ADAT2: variants seen among roughly 807,000 people sequenced by gnomAD.
ADAT2 encodes tRNA-specific adenosine-34 deaminase catalytic subunit ADAT2.
ADAT2 carries 26 observed loss-of-function variants against 25.9 expected under a neutral mutation model. The observed-to-expected ratio is 1.00, with a 90% CI of 0.74 to 1.39. ADAT2 has a LOEUF of 1.39. Ranked by LOEUF, ADAT2 falls within the 40% of genes most tolerant of loss-of-function variation. The pLI is 0.00. For missense variants in ADAT2, 220 were observed against 244.8 expected, an observed-to-expected ratio of 0.90 and a Z score of 0.68; for synonymous variants, 76 against 86.8, an observed-to-expected ratio of 0.88 and a Z score of 0.69.
At chr6:143,450,313 G>A (rs1163998566) in intron 1 of ADAT2, among the ~76,000 whole-genome samples, 7 of 152,142 alleles carry the variant, frequency 4.6e-5, no homozygotes, top group Non-Finnish European at 1.0e-4. Flanking sequence ...GCGACAGAAT[G>A]TTAAGTCTGC....
In ADAT2 at chr6:143,434,200, C is replaced by T. The variant is rs1779199467; in HGVS notation, c.202-219G>A. On this transcript the variant is annotated intron_variant, in intron 2 of 5. Coordinates refer to ENST00000237283, the MANE Select transcript of ADAT2 (RefSeq NM_182503.3). The surrounding 1 kb of genome is among the most constrained non-coding windows in gnomAD (Gnocchi z 4.5). The stretch of plus-strand genomic sequence containing the variant: ...ATCTAATCAGAGATGCCACAGGAAT[C>T]ATGCTGTATTTTTAGTTAAGTACCT... 6.6e-6 allele frequency among the ~76,000 whole-genome samples: 1 copy of T among 152,160 alleles called. No homozygotes were observed. The highest frequency in any genetic ancestry group is 2.1e-4 in the South Asian group (1 of 4,828).
Position 143,427,998 on chromosome 6 carries a change from A to C in ADAT2, c.*465T>G, listed in dbSNP as rs1172806906. 6.1e-6 allele frequency: 1 copy of C among 163,020 alleles called. No homozygotes were observed. Among genetic ancestry groups the C allele is most frequent in the Non-Finnish European group, 1.4e-5 (1 of 73,914 alleles). The allele number at this position is 163,020 out of a possible 1,614,324, so 10.1% of individuals were successfully genotyped here. On this transcript the variant is annotated 3_prime_UTR_variant, in exon 6 of 6. Transcript: ENST00000237283. ...TATATACAATTTAGAGAGAAGTCACAGCCCCCAGTGCCCTGGAAGAACATC... is the reference window on the plus strand; with the variant it reads ...TATATACAATTTAGAGAGAAGTCACCGCCCCCAGTGCCCTGGAAGAACATC...
At chr6:143,449,362 G>T (rs1220926175) in intron 1 of ADAT2, among the ~76,000 whole-genome samples, 1 of 152,164 alleles carries the variant, frequency 6.6e-6, no homozygotes, top group African/African-American at 2.4e-5. Context: ...ATGCTACTTT[G>T]TATCTTTTTA....
intron 2 of ADAT2, among the ~76,000 whole-genome samples, chr6:143,435,962 T>C (rs1779262205): frequency 6.6e-6 from 1 of 152,330 alleles, no homozygotes; most frequent in East Asian, 1.9e-4. Flanking sequence ...ATGACTACCC[T>C]GGCAGTTATA....
intron 1 of ADAT2, among the ~76,000 whole-genome samples, chr6:143,443,295 C>T (rs1779513984): frequency 6.6e-6 from 1 of 152,156 alleles, no homozygotes; most frequent in African/African-American, 2.4e-5. Context: ...GGCTCTCTGC[C>T]ACTGTTCTGC....
rs984462461 is a variant in ADAT2 at position 143,424,654 on chromosome 6, G to A, written c.*3809C>T. ...ATATAATTATTACTTTTGCTGAGGA[G>A]GAAATTAGGAAGGAAAGAATTTATT... is the stretch of plus-strand genomic sequence containing the variant. On this transcript the variant is annotated 3_prime_UTR_variant, in exon 6 of 6. Coordinates refer to ENST00000237283, the MANE Select transcript of ADAT2 (RefSeq NM_182503.3). This position sits in a 1 kb window ranked among gnomAD's most constrained non-coding sequence, Gnocchi z 4.8. 2.0e-5 allele frequency: 3 copies of A among 152,092 alleles called. No individual in the cohort carries two copies. The highest frequency in any genetic ancestry group is 7.2e-5 in the African/African-American group (3 of 41,406). The allele number at this position is 152,092 out of a possible 1,614,324, so 9.4% of individuals were successfully genotyped here. A position where few individuals can be genotyped will look rare whatever the true frequency, so the allele number is the denominator to read the frequency against.
At chr6:143,449,603 T>A (rs1353888284) in intron 1 of ADAT2, among the ~76,000 whole-genome samples, 1 of 152,208 alleles carries the variant, frequency 6.6e-6, no homozygotes, top group Non-Finnish European at 1.5e-5. Flanking sequence ...CAGGAACTTT[T>A]CAGCTTCATT....
In ADAT2 at chr6:143,444,840, C is replaced by G. The variant is rs377110502; in HGVS notation, c.96+5723G>C. On this transcript the variant is annotated intron_variant, in intron 1 of 5. Coordinates refer to ENST00000237283, the MANE Select transcript of ADAT2 (RefSeq NM_182503.3). The surrounding 1 kb of genome is among the most constrained non-coding windows in gnomAD (Gnocchi z 4.3). ...GAAAGCACCTAGATGGAAGAGACTTCGTAGTTTATTATTTTCTCCAAAGAC... is the reference window on the plus strand; with the variant it reads ...GAAAGCACCTAGATGGAAGAGACTTGGTAGTTTATTATTTTCTCCAAAGAC... 1.4e-5 allele frequency: 14 copies of G among 989,384 alleles called. No individual in the cohort carries two copies. In the East Asian group the frequency reaches 9.0e-4, roughly 64 times the overall value. 61.3% of individuals were successfully genotyped at this position (989,384 alleles called of 1,614,324 possible). A position where few individuals can be genotyped will look rare whatever the true frequency, so the allele number is the denominator to read the frequency against.
At chr6:143,438,202 T>C (rs1429009611) in intron 2 of ADAT2, among the ~76,000 whole-genome samples, 1 of 152,212 alleles carries the variant, frequency 6.6e-6, no homozygotes, top group East Asian at 1.9e-4. Flanking sequence ...AATTGACCTA[T>C]TTTATAAAAT....
chr6:143,429,551 G>A (rs958967288), intron 4 of ADAT2, among the ~76,000 whole-genome samples: 2 of 152,216 alleles, frequency 1.3e-5, no homozygotes, highest in Non-Finnish European at 2.9e-5. Flanking sequence ...GCATTTCAGG[G>A]AAAGGGCAAG....
intron 1 of ADAT2, among the ~76,000 whole-genome samples, chr6:143,448,792 G>A (rs1025269444): frequency 4.6e-5 from 7 of 151,952 alleles, no homozygotes; most frequent in African/African-American, 9.7e-5. Flanking sequence ...ACAACTGCCC[G>A]GGCCCAGGAG....
chr6:143,440,118 A>G lies in ADAT2; in HGVS notation c.97-1424T>C, dbSNP rs1779414831. Among the ~76,000 whole-genome samples, 1 of 152,276 alleles carries G rather than the reference A, an allele frequency of 6.6e-6. No individual in the cohort carries two copies. The highest frequency in any genetic ancestry group is 1.5e-5 in the Non-Finnish European group (1 of 68,016). On this transcript the variant is annotated intron_variant, in intron 1 of 5. Transcript: ENST00000237283. This position sits in a 1 kb window ranked among gnomAD's most constrained non-coding sequence, Gnocchi z 4.5. ...GAGTACAACCCTTGGACTAGTGTAC[A>G]TTCATTCCCATCTCAATGCAGTCAA...
At chr6:143,438,516 C>T in intron 2 of ADAT2, 74 bp downstream of exon 2, 1 of 1,213,856 alleles carries the variant, frequency 8.2e-7, no homozygotes, top group Non-Finnish European at 1.2e-6. Context: ...CACCTTCACA[C>T]CAACTGTGGT....
chr6:143,441,808 A>G (rs1199632779), intron 1 of ADAT2: 1 of 152,204 alleles, frequency 6.6e-6, no homozygotes, highest in Non-Finnish European at 1.5e-5. Flanking sequence ...ATGTTTTCAC[A>G]TCATTAGCCG....
intron 3 of ADAT2, 110 bp downstream of exon 3, chr6:143,433,721 G>T: frequency 8.7e-7 from 1 of 1,145,910 alleles, no homozygotes; most frequent in African/African-American, 1.5e-5. Context: ...TATTTTACAA[G>T]GTGTTTCCTA....
rs1481724991 is a variant in ADAT2 at position 143,446,363 on chromosome 6, T to C, written c.96+4200A>G. On this transcript the variant is annotated intron_variant, in intron 1 of 5. Coordinates refer to ENST00000237283, the MANE Select transcript of ADAT2 (RefSeq NM_182503.3). The surrounding 1 kb of genome is among the most constrained non-coding windows in gnomAD (Gnocchi z 5.0). Reference sequence around the variant, plus strand: ...TATGAACATATCTGATTCAACCAACTAGTCTCCTATTATTTGACATTTAAG... The same window carrying C: ...TATGAACATATCTGATTCAACCAACCAGTCTCCTATTATTTGACATTTAAG... Among the ~76,000 whole-genome samples the C allele has an allele frequency of 6.6e-6, 1 of 152,194 alleles. No homozygotes were observed. The highest frequency in any genetic ancestry group is 2.4e-5 in the African/African-American group (1 of 41,448).
chr6:143,437,194 C>G lies in ADAT2; in HGVS notation c.201+1396G>C, dbSNP rs576960967. Among the ~76,000 whole-genome samples, 2 of 152,090 alleles carry G rather than the reference C, an allele frequency of 1.3e-5. No individual in the cohort carries two copies. Among genetic ancestry groups the G allele is most frequent in the African/African-American group, 4.8e-5 (2 of 41,410 alleles). Reference sequence around the variant, plus strand: ...TTCCTATTGATTGGAACTGCTAGGGCGAAGTATATGCAAAATCTACATTTT... The same window carrying G: ...TTCCTATTGATTGGAACTGCTAGGGGGAAGTATATGCAAAATCTACATTTT... On this transcript the variant is annotated intron_variant, in intron 2 of 5. Transcript: ENST00000237283. This position sits in a 1 kb window ranked among gnomAD's most constrained non-coding sequence, Gnocchi z 4.1.
At chr6:143,430,570 AT>A (rs377184279) in intron 4 of ADAT2, among the ~76,000 whole-genome samples, 25 of 150,262 alleles carry the variant, frequency 1.7e-4, no homozygotes, top group East Asian at 7.8e-4. Flanking sequence ...ATTCATAATA[AT>A]TTTTTTTTTT....
intron 1 of ADAT2, among the ~76,000 whole-genome samples, chr6:143,447,512 G>A (rs1055562782): frequency 3.9e-5 from 6 of 152,166 alleles, no homozygotes; most frequent in Non-Finnish European, 8.8e-5. Flanking sequence ...CATATGGACA[G>A]AGAGATATGG....
Sources: allele counts gnomAD v4.1 joint callset (sites outside exome capture counted in the v4.1 genomes callset), GRCh38; gene constraint gnomAD v4.1.1; non-coding constraint Gnocchi (gnomAD v3.1); transcripts MANE v1.5; gene names NCBI Gene and HGNC (gene_info 2026-07-23, HGNC 2026-07-21).